Variants in GRIN2A observed in about 807,000 individuals in gnomAD.
The protein encoded by GRIN2A is glutamate receptor ionotropic, NMDA 2A.
A neutral mutation model predicts 113.4 loss-of-function variants in GRIN2A; 22 were observed. The observed-to-expected ratio is 0.19, with a 90% CI of 0.14 to 0.28. GRIN2A has a LOEUF of 0.28. Ranked by LOEUF, GRIN2A falls within the 10% of genes least tolerant of loss-of-function variation. The pLI is 1.00. For missense variants in GRIN2A, 1,502 were observed against 1,887.0 expected (o/e 0.80, Z 3.78); for synonymous variants, 827 against 738.4 (o/e 1.12, Z -1.94).
At chr16:9,980,265 T>A (rs12102725) in intron 2 of GRIN2A, among the ~76,000 whole-genome samples, 3,507 of 143,662 alleles carry the variant, frequency 0.024, 67 homozygotes, top group African/African-American at 0.033. Flanking sequence ...AGAGACTGTC[T>A]CAAAAAAAAA....
chr16:9,995,039 C>T (rs1041115719), intron 2 of GRIN2A, among the ~76,000 whole-genome samples: 3 of 152,190 alleles, frequency 2.0e-5, no homozygotes, highest in Non-Finnish European at 4.4e-5. Context: ...GAAGAATCCC[C>T]TGAGACTGGG....
chr16:10,058,586 C>T (rs949158379), intron 2 of GRIN2A, among the ~76,000 whole-genome samples: 12 of 152,296 alleles, frequency 7.9e-5, no homozygotes, highest in Middle Eastern at 6.8e-3. Context: ...TTTCTTGCTA[C>T]AATTCAAAAT....
chr16:9,767,570 A>G (rs1184014251), intron 12 of GRIN2A, among the ~76,000 whole-genome samples: 2 of 151,712 alleles, frequency 1.3e-5, no homozygotes, highest in Admixed American at 6.6e-5. Context: ...TCCAAGGCAA[A>G]AAAACAAACA....
At chr16:10,024,969 A>G (rs755692719) in intron 2 of GRIN2A, among the ~76,000 whole-genome samples, 5 of 152,156 alleles carry the variant, frequency 3.3e-5, no homozygotes, top group Non-Finnish European at 5.9e-5. Context: ...TAAAAAAAGC[A>G]TAGTTGAAAT....
intron 2 of GRIN2A, among the ~76,000 whole-genome samples, chr16:10,137,393 G>C (rs1567325795): frequency 1.3e-5 from 2 of 152,178 alleles, no homozygotes; most frequent in Non-Finnish European, 1.5e-5. Flanking sequence ...ATGCTGACAG[G>C]TGTTCCTATT....
chr16:9,963,800 G>A (rs1410339700), intron 2 of GRIN2A, among the ~76,000 whole-genome samples: 3 of 152,144 alleles, frequency 2.0e-5, no homozygotes, highest in Admixed American at 6.5e-5. Context: ...GCTACTCTGT[G>A]CCAGGTACTA....
chr16:9,763,070 T>C lies in GRIN2A; in HGVS notation c.*79A>G. 7.1e-7 allele frequency: 1 copy of C among 1,414,940 alleles called. No individual in the cohort carries two copies. The highest frequency in any genetic ancestry group is 9.9e-7 in the Non-Finnish European group (1 of 1,009,044). 87.6% of individuals were successfully genotyped at this position (1,414,940 alleles called of 1,614,324 possible). Reference sequence around the variant, plus strand: ...TCTTCTTCCTCTTAGCAGGGCACTATTGGACATCCAACATTTACCCTCCAG... The same window carrying C: ...TCTTCTTCCTCTTAGCAGGGCACTACTGGACATCCAACATTTACCCTCCAG... On this transcript the variant is annotated 3_prime_UTR_variant, in exon 13 of 13. Coordinates refer to ENST00000330684, the MANE Select transcript of GRIN2A (RefSeq NM_001134407.3).
intron 3 of GRIN2A, chr16:9,937,602 G>A: frequency 3.5e-6 from 1 of 281,690 alleles, no homozygotes; most frequent in Non-Finnish European, 6.8e-6. Context: ...AGAATGTGAT[G>A]AGGGCTATGA....
chr16:9,923,202 G>A (rs1370526587), intron 3 of GRIN2A, among the ~76,000 whole-genome samples: 2 of 151,496 alleles, frequency 1.3e-5, no homozygotes, highest in Admixed American at 1.3e-4. Flanking sequence ...ATAATGAAAT[G>A]GCAATATTTA....
At chr16:10,003,139 G>T (rs2046349505) in intron 2 of GRIN2A, among the ~76,000 whole-genome samples, 1 of 152,144 alleles carries the variant, frequency 6.6e-6, no homozygotes, top group Admixed American at 6.5e-5. Context: ...TTTCTTAGAG[G>T]CCTCCATCTG....
intron 3 of GRIN2A, among the ~76,000 whole-genome samples, chr16:9,908,352 G>A (rs756203412): frequency 6.6e-5 from 10 of 151,722 alleles, no homozygotes; most frequent in Admixed American, 6.5e-4. Flanking sequence ...CTGGGTGGAG[G>A]AGGAGTTTTG....
rs752560113 is a variant in GRIN2A, at chr16:9,764,337, C to A, written c.3207G>T (p.Thr1069=). The change falls in exon 13 of 13, where the codon ACG becomes ACT. Residue 1069 remains threonine, a synonymous_variant. Transcript: ENST00000330684. ...TACTGTTGTCAGGTTCCCTGTGGCA[C>A]GTGGCCCGATTTGACGTTTCTGAAA... is the stretch of plus-strand genomic sequence containing the variant. ...SDISETSNRA[T]CHREPDNSKN... is the part of the protein sequence containing the mutation. 6 of 1,614,118 alleles carry A rather than the reference C, an allele frequency of 3.7e-6. No individual in the cohort carries two copies. The South Asian group carries it at 4.4e-5, about 12-fold the overall frequency.
rs1452124763 is a variant in GRIN2A, at chr16:9,979,806, T to G, written c.415-41255A>C. Among the ~76,000 whole-genome samples the G allele has an allele frequency of 4.1e-5, 6 of 145,690 alleles. No individual in the cohort carries two copies. The Admixed American group carries it at 4.1e-4, about 10-fold the overall frequency. Reference sequence around the variant, plus strand: ...GGGACTATATATATATATATATATATATATATGTATATGTATGTATTTATC... The same window carrying G: ...GGGACTATATATATATATATATATAGATATATGTATATGTATGTATTTATC... On this transcript the variant is annotated intron_variant, in intron 2 of 12. Coordinates refer to ENST00000330684, the MANE Select transcript of GRIN2A (RefSeq NM_001134407.3).
At chr16:9,775,283 C>G (rs116542849) in intron 11 of GRIN2A, among the ~76,000 whole-genome samples, 6,006 of 152,206 alleles carry the variant, frequency 0.039, 120 homozygotes, top group Non-Finnish European at 0.048. Flanking sequence ...GTATGTGGTT[C>G]TGAGAAGCTG....
intron 2 of GRIN2A, among the ~76,000 whole-genome samples, chr16:10,132,486 G>T (rs954419677): frequency 2.6e-5 from 4 of 152,066 alleles, no homozygotes; most frequent in African/African-American, 7.2e-5. Context: ...GTCATCCTAC[G>T]TCAAATGTAA....
intron 10 of GRIN2A, among the ~76,000 whole-genome samples, chr16:9,815,112 T>A (rs2042161203): frequency 6.6e-6 from 1 of 152,150 alleles, no homozygotes; most frequent in Non-Finnish European, 1.5e-5. Flanking sequence ...CATTTGTTTT[T>A]CAATGCAAAA....
chr16:10,178,678 C>G (rs2050199007), intron 2 of GRIN2A, among the ~76,000 whole-genome samples: 1 of 152,214 alleles, frequency 6.6e-6, no homozygotes, highest in Non-Finnish European at 1.5e-5. Flanking sequence ...CAATTGTGTG[C>G]TACAGCTGAA....
intron 2 of GRIN2A, among the ~76,000 whole-genome samples, chr16:9,975,016 A>G (rs2045747880): frequency 6.6e-6 from 1 of 152,192 alleles, no homozygotes. Context: ...CTATCATGAA[A>G]ACACTCAGAA....
chr16:9,978,854 T>C (rs1483181215), intron 2 of GRIN2A, among the ~76,000 whole-genome samples: 2 of 152,170 alleles, frequency 1.3e-5, no homozygotes, highest in African/African-American at 2.4e-5. Flanking sequence ...TCGTCTGAAA[T>C]GGCAGGTTAC....
Sources: gnomAD v4.1 joint callset for allele counts (sites outside exome capture counted in the v4.1 genomes callset) on GRCh38, gnomAD v4.1.1 for gene constraint, MANE v1.5 for transcripts, NCBI Gene and HGNC (gene_info 2026-07-23, HGNC 2026-07-21) for gene names.